The following DYRK1A variants were observed in gnomAD, a reference collection of about 807,000 sequenced individuals.
DYRK1A encodes dual specificity tyrosine-phosphorylation-regulated kinase 1A.
A neutral mutation model predicts 79.7 loss-of-function variants in DYRK1A; 9 were observed. That is an observed-to-expected ratio of 0.11 (90% CI 0.07 to 0.20). The LOEUF is 0.20. DYRK1A is among the 10% of genes least tolerant of loss of function. DYRK1A has a pLI of 1.00. For synonymous variants in DYRK1A, 349 were observed against 329.7 expected (o/e 1.06, Z -0.63); for missense variants, 622 against 956.0 (o/e 0.65, Z 4.61).
intron 5 of DYRK1A, among the ~76,000 whole-genome samples, chr21:37,482,784 A>G (rs969762585): frequency 9.9e-5 from 15 of 152,162 alleles, no homozygotes; most frequent in Non-Finnish European, 1.9e-4. Context: ...GGGCCATTTC[A>G]GAGACCTACC....
chr21:37,490,140 T>C (rs1270491266), intron 6 of DYRK1A, 35 bp from the exon 7 acceptor site: 1 of 1,582,050 alleles, frequency 6.3e-7, no homozygotes, highest in Admixed American at 1.7e-5. Context: ...TTTATTGGTA[T>C]ATATAATTTA....
intron 2 of DYRK1A, among the ~76,000 whole-genome samples, chr21:37,433,598 G>C (rs1329894155): frequency 6.6e-6 from 1 of 152,196 alleles, no homozygotes; most frequent in African/African-American, 2.4e-5. Flanking sequence ...TGTACCAAAA[G>C]TTGTGAAGTT....
At chr21:37,366,477 C>G (rs1008663779), upstream of DYRK1A, among the ~76,000 whole-genome samples, 49 of 148,980 alleles carry the variant, frequency 3.3e-4, no homozygotes, top group Middle Eastern at 0.01. Flanking sequence ...CCTCGCCCCC[C>G]CTTCCCCAGC....
At chr21:37,390,992 G>C (rs945271005) in intron 1 of DYRK1A, among the ~76,000 whole-genome samples, 2 of 152,166 alleles carry the variant, frequency 1.3e-5, no homozygotes, top group African/African-American at 4.8e-5. Context: ...GTGTGCGCCT[G>C]GTGTTTCCTC....
rs539461621 is a variant in DYRK1A at position 37,496,571 on chromosome 21, T to A, written c.1212+313T>A. Among the ~76,000 whole-genome samples, 60 of 152,348 alleles carry A rather than the reference T, an allele frequency of 3.9e-4. No individual in the cohort carries two copies. The South Asian group carries it at 0.01, about 26-fold the overall frequency. Reference sequence around the variant, plus strand: ...AGAATTAATAAATTTGATCTTTGTTTCTCACAGCTTGGGCATGTAATGAGG... The same window carrying A: ...AGAATTAATAAATTTGATCTTTGTTACTCACAGCTTGGGCATGTAATGAGG... On this transcript the variant is annotated intron_variant, in intron 9 of 11. Transcript: ENST00000647188.
chr21:37,513,689 T>G lies in DYRK1A; in HGVS notation c.*1158T>G, dbSNP rs1401430985. 1.3e-5 allele frequency: 2 copies of G among 152,682 alleles called. No homozygotes were observed. The highest frequency in any genetic ancestry group is 2.9e-5 in the Non-Finnish European group (2 of 68,048). 9.5% of individuals were successfully genotyped at this position (152,682 alleles called of 1,614,324 possible). ...GGCACGTGGTATCTCCACCATTTCT[T>G]CTGCACAAAGATGTCTTCTGTTCAT... On this transcript the variant is annotated 3_prime_UTR_variant, in exon 12 of 12. Transcript: ENST00000647188.
chr21:37,422,670 CTT>C (rs1423336461), intron 2 of DYRK1A, among the ~76,000 whole-genome samples: 1 of 152,054 alleles, frequency 6.6e-6, no homozygotes, highest in Non-Finnish European at 1.5e-5. Flanking sequence ...TTCAGAGTAA[CTT>C]TGTGAGGTGA....
chr21:37,383,837 A>ATGTGTGTG (rs112549944), intron 1 of DYRK1A, among the ~76,000 whole-genome samples: 26,324 of 148,374 alleles, frequency 0.18, 2,428 homozygotes, highest in East Asian at 0.34. Flanking sequence ...GTAATGGTGT[A>ATGTGTGTG]TGTGTGTGTG....
chr21:37,462,181 G>A (rs187928155), intron 2 of DYRK1A, among the ~76,000 whole-genome samples: 76 of 152,010 alleles, frequency 5.0e-4, no homozygotes, highest in Non-Finnish European at 2.9e-4. Context: ...TTTTCCTCCC[G>A]AATACAGACC....
At chr21:37,379,954 C>T (rs945127646) in intron 1 of DYRK1A, among the ~76,000 whole-genome samples, 6 of 152,186 alleles carry the variant, frequency 3.9e-5, no homozygotes, top group African/African-American at 7.2e-5. Context: ...ACGGATGTTA[C>T]GTTCTGGCTG....
intron 3 of DYRK1A, among the ~76,000 whole-genome samples, chr21:37,476,936 T>C (rs2052419615): frequency 6.6e-6 from 1 of 151,784 alleles, no homozygotes; most frequent in Non-Finnish European, 1.5e-5. Context: ...AGTTTGAGTA[T>C]ACATGCAGAA....
chr21:37,512,431 A>C lies in DYRK1A; in HGVS notation c.2165A>C (p.Tyr722Ser). The C allele has an allele frequency of 1.2e-6, 2 of 1,614,252 alleles. No individual in the cohort carries two copies. The highest frequency in any genetic ancestry group is 1.7e-6 in the Non-Finnish European group (2 of 1,180,038). Reference protein sequence around the residue: ...QFSANTGPAHYMTEGHLTMRQ... With the variant: ...QFSANTGPAHSMTEGHLTMRQ... ...TCTGCTAATACAGGTCCTGCACATT[A>C]CATGACTGAAGGACATCTGACAATG... Residue 722 changes from tyrosine to serine, a missense_variant, in exon 12 of 12, where the codon TAC (tyrosine) becomes TCC (serine). By Grantham distance (144) the Tyr-to-Ser change is moderately radical. Transcript: ENST00000647188.
chr21:37,373,991 C>G (rs889934972), intron 1 of DYRK1A, among the ~76,000 whole-genome samples: 2 of 152,054 alleles, frequency 1.3e-5, no homozygotes, highest in African/African-American at 4.8e-5. Context: ...TATGTGAATT[C>G]AAATAGACCG....
intron 2 of DYRK1A, among the ~76,000 whole-genome samples, chr21:37,469,685 T>C (rs1366599611): frequency 6.6e-6 from 1 of 152,076 alleles, no homozygotes; most frequent in Non-Finnish European, 1.5e-5. Flanking sequence ...CCACACAGTT[T>C]TAAACAGCCT....
Position 37,525,377 on chromosome 21 carries a change from G to A in DYRK1A, c.*12846G>A, listed in dbSNP as rs2053961185. ...GCAAGAGAGTGTGTGCAGGGGAACT[G>A]CCCTTTATAAAACCATCAGATCTCA... On this transcript the variant is annotated 3_prime_UTR_variant, in exon 12 of 12. Transcript: ENST00000647188. The A allele has an allele frequency of 6.6e-6, 1 of 152,200 alleles. No homozygotes were observed. The highest frequency in any genetic ancestry group is 1.5e-5 in the Non-Finnish European group (1 of 68,032). The allele number at this position is 152,200 out of a possible 1,614,324, so 9.4% of individuals were successfully genotyped here.
chr21:37,399,552 T>C (rs531339282), intron 1 of DYRK1A, among the ~76,000 whole-genome samples: 64 of 152,352 alleles, frequency 4.2e-4, no homozygotes, highest in South Asian at 1.2e-3. Flanking sequence ...GTTTGTACTT[T>C]CATGTTGTTG....
intron 5 of DYRK1A, among the ~76,000 whole-genome samples, chr21:37,483,542 G>A (rs900651751): frequency 1.3e-5 from 2 of 152,012 alleles, no homozygotes; most frequent in African/African-American, 4.8e-5. Context: ...TTCTGAGGGG[G>A]TTTTCAGTGC....
chr21:37,507,777 C>G (rs767605880), intron 11 of DYRK1A, among the ~76,000 whole-genome samples: 2 of 151,560 alleles, frequency 1.3e-5, no homozygotes, highest in Non-Finnish European at 2.9e-5. Context: ...TTCCCTACTC[C>G]GCTTAATGTT....
intron 2 of DYRK1A, among the ~76,000 whole-genome samples, chr21:37,429,093 A>C (rs534515830): frequency 1.3e-5 from 2 of 152,218 alleles, no homozygotes; most frequent in Non-Finnish European, 2.9e-5. Flanking sequence ...AGAAACACAA[A>C]TAAGTTAATT....
Sources: gnomAD v4.1 joint callset for allele counts (sites outside exome capture counted in the v4.1 genomes callset) on GRCh38, gnomAD v4.1.1 for gene constraint, MANE v1.5 for transcripts, NCBI Gene and HGNC (gene_info 2026-07-23, HGNC 2026-07-21) for gene names.